CCDC34: variants seen among roughly 807,000 people sequenced by gnomAD.
The protein encoded by CCDC34 is coiled-coil domain containing 34.
CCDC34 carries 40 observed loss-of-function variants against 44.1 expected under a neutral mutation model. The observed-to-expected ratio is 0.91, with a 90% CI of 0.70 to 1.18. The LOEUF is 1.18. Ranked by LOEUF, CCDC34 falls within the 50% of genes most tolerant of loss-of-function variation. The pLI is 0.00. For synonymous variants in CCDC34, 159 were observed against 158.2 expected (o/e 1.01, Z -0.04); for missense variants, 466 against 452.3 (o/e 1.03, Z -0.28).
At chr11:27,349,644 C>T (rs1424062462) in intron 3 of CCDC34, 6 of 983,696 alleles carry the variant, frequency 6.1e-6, no homozygotes, top group Admixed American at 1.2e-4. Flanking sequence ...TTTAAAATTT[C>T]GAATGTGTGT....
chr11:27,360,316 T>G (rs1862643789), intron 1 of CCDC34, among the ~76,000 whole-genome samples: 1 of 152,250 alleles, frequency 6.6e-6, no homozygotes, highest in Non-Finnish European at 1.5e-5. Flanking sequence ...AAGCTAACTT[T>G]GAGCTTAATC....
chr11:27,349,331 G>T (rs771051525), intron 3 of CCDC34: 208 of 898,676 alleles, frequency 2.3e-4, no homozygotes, highest in Non-Finnish European at 2.7e-4. Flanking sequence ...CAAAGTAATT[G>T]ACTTCTAAAC....
rs545398666 is a variant in CCDC34, at chr11:27,362,007, T to C, written c.359+829A>G. 1.5e-3 allele frequency among the ~76,000 whole-genome samples: 230 copies of C among 152,320 alleles called. 1 individual carries two copies. The highest frequency in any genetic ancestry group is 5.3e-3 in the African/African-American group (219 of 41,572). On this transcript the variant is annotated intron_variant, in intron 1 of 5. Transcript: ENST00000328697. ...GGCATGCAGTTTAGGAAAGAGAACA[T>C]GATCTGTCTATCTTCGTAGTAGACC...
chr11:27,345,748 A>G (rs1414735145), intron 3 of CCDC34, among the ~76,000 whole-genome samples: 1 of 152,164 alleles, frequency 6.6e-6, no homozygotes, highest in African/African-American at 2.4e-5. Flanking sequence ...ATAAACATAC[A>G]CATGCATGTG....
chr11:27,354,829 A>G (rs1470319931), intron 2 of CCDC34, among the ~76,000 whole-genome samples: 1 of 152,200 alleles, frequency 6.6e-6, no homozygotes, highest in East Asian at 1.9e-4. Flanking sequence ...ACTACACTCC[A>G]GCAAGGGTGA....
At position 27,338,635 on chromosome 11, in the gene CCDC34, A is replaced by G; in HGVS notation, c.*186T>C. ...AACAACATGCCAAGATCAACCTTAA[A>G]AAGTTTATAAAAACCAAAATCCAGA... On this transcript the variant is annotated 3_prime_UTR_variant, in exon 6 of 6. Coordinates refer to ENST00000328697, the MANE Select transcript of CCDC34 (RefSeq NM_030771.2). The G allele has an allele frequency of 1.8e-6, 1 of 551,052 alleles. No individual in the cohort carries two copies. The highest frequency in any genetic ancestry group is 3.1e-6 in the Non-Finnish European group (1 of 319,620). The allele number at this position is 551,052 out of a possible 1,614,324, so 34.1% of individuals were successfully genotyped here. A position where few individuals can be genotyped will look rare whatever the true frequency, so the allele number is the denominator to read the frequency against.
chr11:27,359,103 C>A (rs918815448), intron 1 of CCDC34, among the ~76,000 whole-genome samples: 3 of 152,140 alleles, frequency 2.0e-5, no homozygotes, highest in Non-Finnish European at 4.4e-5. Flanking sequence ...TTCTCCCTTT[C>A]AAATCATTAT....
At chr11:27,339,393 T>C (rs1862322118) in intron 5 of CCDC34, among the ~76,000 whole-genome samples, 1 of 152,190 alleles carries the variant, frequency 6.6e-6, no homozygotes, top group South Asian at 2.1e-4. Context: ...AAACTACTGA[T>C]TGTGTACTAG....
In CCDC34 at chr11:27,350,436, A is replaced by G; in HGVS notation, c.502T>C (p.Leu168=). The part of the protein sequence containing the change: ...DRLQLKALEE[L]NQQLEKRKEM... ...TTTCTTTTTTCTAGTTGTTGATTTA[A>G]TTCCTGTGGATTTTATTTAGACAAA... Residue 168 remains leucine (L), a synonymous_variant, in exon 3 of 6, where the codon TTA becomes CTA. Coordinates refer to ENST00000328697, the MANE Select transcript of CCDC34 (RefSeq NM_030771.2). The G allele has an allele frequency of 6.3e-7, 1 of 1,593,082 alleles. No individual in the cohort carries two copies. The highest frequency in any genetic ancestry group is 8.6e-7 in the Non-Finnish European group (1 of 1,167,644).
chr11:27,362,739 T>C, intron 1 of CCDC34, 97 bp downstream of exon 1: 2 of 1,411,570 alleles, frequency 1.4e-6, no homozygotes, highest in Non-Finnish European at 9.6e-7. Context: ...CTGCTCTGCC[T>C]TTGGGGCGGA....
intron 2 of CCDC34, among the ~76,000 whole-genome samples, chr11:27,351,445 T>A (rs553220144): frequency 8.5e-5 from 13 of 152,278 alleles, no homozygotes; most frequent in Admixed American, 5.2e-4. Context: ...TAATCACTCA[T>A]CCTAAAATTC....
At chr11:27,353,607 G>A (rs1862534209) in intron 2 of CCDC34, among the ~76,000 whole-genome samples, 1 of 151,864 alleles carries the variant, frequency 6.6e-6, no homozygotes, top group Non-Finnish European at 1.5e-5. Context: ...TTTGTAAGTG[G>A]GTAATTTTTA....
At chr11:27,360,020 A>G (rs1358781921) in intron 1 of CCDC34, among the ~76,000 whole-genome samples, 3 of 152,238 alleles carry the variant, frequency 2.0e-5, no homozygotes, top group Non-Finnish European at 4.4e-5. Context: ...AGTTGTTGAA[A>G]GACAATCAGA....
At position 27,338,783 on chromosome 11, in the gene CCDC34, A is replaced by T. The variant is rs775019467; in HGVS notation, c.*38T>A. The T allele has an allele frequency of 4.6e-6, 7 of 1,516,354 alleles. No homozygotes were observed. The highest frequency in any genetic ancestry group is 6.4e-6 in the Non-Finnish European group (7 of 1,100,148). The allele number at this position is 1,516,354 out of a possible 1,614,324, so 93.9% of individuals were successfully genotyped here. On this transcript the variant is annotated 3_prime_UTR_variant, in exon 6 of 6. Coordinates refer to ENST00000328697, the MANE Select transcript of CCDC34 (RefSeq NM_030771.2). ...AAAACAATTTCTGATTTTTAAATTA[A>T]ATAGCTCCAGATAAAAGCATGTTAT...
chr11:27,342,179 TG>T (rs1317220182), intron 3 of CCDC34, among the ~76,000 whole-genome samples: 1 of 151,760 alleles, frequency 6.6e-6, no homozygotes, highest in Non-Finnish European at 1.5e-5. Flanking sequence ...ACTAATACAG[TG>T]TTCAATCAAA....
Position 27,338,649 on chromosome 11 carries a change from C to T in CCDC34, c.*172G>A, listed in dbSNP as rs1862313008. On this transcript the variant is annotated 3_prime_UTR_variant, in exon 6 of 6. Transcript: ENST00000328697. Reference sequence around the variant, plus strand: ...ATCAACCTTAAAAAGTTTATAAAAACCAAAATCCAGAAAATATCTTCCTCA... The same window carrying T: ...ATCAACCTTAAAAAGTTTATAAAAATCAAAATCCAGAAAATATCTTCCTCA... The T allele has an allele frequency of 3.5e-6, 2 of 577,296 alleles. No individual in the cohort carries two copies. Among genetic ancestry groups the T allele is most frequent in the Non-Finnish European group, 2.9e-6 (1 of 341,522 alleles). 35.8% of individuals were successfully genotyped at this position (577,296 alleles called of 1,614,324 possible).
At chr11:27,362,686 C>T in intron 1 of CCDC34, 150 bp downstream of exon 1, 1 of 773,220 alleles carries the variant, frequency 1.3e-6, no homozygotes, top group South Asian at 1.9e-5. Flanking sequence ...GCACAGGGCT[C>T]TTTATGTGCA....
chr11:27,350,281 A>C lies in CCDC34; in HGVS notation c.606+51T>G, dbSNP rs374518134. 3.1e-6 allele frequency: 5 copies of C among 1,612,298 alleles called. No individual in the cohort carries two copies. The South Asian group carries it at 4.4e-5, about 14-fold the overall frequency. ...TAGGTAATGAAGTATAATAGGAAGAAATATTTTGCAAAAGAGATGTCAATG... is the reference window on the plus strand; with the variant it reads ...TAGGTAATGAAGTATAATAGGAAGACATATTTTGCAAAAGAGATGTCAATG... On this transcript the variant is annotated intron_variant, in intron 3 of 5. Transcript: ENST00000328697.
intron 3 of CCDC34, chr11:27,349,486 T>A (rs1209784658): frequency 1.1e-6 from 1 of 878,664 alleles, no homozygotes; most frequent in Non-Finnish European, 1.4e-6. Flanking sequence ...ACAATAAAGA[T>A]AAAAAGTTAG....
Sources: allele counts gnomAD v4.1 joint callset (sites outside exome capture counted in the v4.1 genomes callset), GRCh38; gene constraint gnomAD v4.1.1; transcripts MANE v1.5; gene names NCBI Gene and HGNC (gene_info 2026-07-23, HGNC 2026-07-21).